FRMD6: variants seen among roughly 807,000 people sequenced by gnomAD.
The protein encoded by FRMD6 is FERM domain containing 6.
In FRMD6, 37 loss-of-function variants were observed where a neutral mutation model predicts 73.2. The observed-to-expected ratio is 0.51, with a 90% CI of 0.39 to 0.66. The LOEUF is 0.66. Ranked by LOEUF, FRMD6 falls within the 30% of genes least tolerant of loss-of-function variation. The pLI is 0.00. For synonymous variants in FRMD6, 273 were observed against 282.2 expected, an observed-to-expected ratio of 0.97 and a Z score of 0.33; for missense variants, 714 against 780.5, an observed-to-expected ratio of 0.91 and a Z score of 1.02.
chr14:51,476,424 C>G, the FRMD6 span, among the ~76,000 whole-genome samples: 27 of 152,184 alleles, frequency 1.8e-4, no homozygotes, highest in African/African-American at 6.5e-4. Flanking sequence ...CCTGAACAAG[C>G]TAAATCTCTG....
intron 1 of FRMD6, among the ~76,000 whole-genome samples, chr14:51,504,221 A>G (rs953422754): frequency 3.9e-5 from 6 of 152,212 alleles, no homozygotes; most frequent in Non-Finnish European, 5.9e-5. Flanking sequence ...TCCAGACCCT[A>G]GTTGCCTTGG....
the FRMD6 span, among the ~76,000 whole-genome samples, chr14:51,411,574 G>T: frequency 6.6e-6 from 1 of 152,122 alleles, no homozygotes; most frequent in Non-Finnish European, 1.5e-5. Flanking sequence ...TGTTATATTC[G>T]ATTTCCCTAA....
chr14:51,544,794 A>G (rs144019138), intron 1 of FRMD6, among the ~76,000 whole-genome samples: 108 of 152,234 alleles, frequency 7.1e-4, no homozygotes, highest in African/African-American at 2.3e-3. Flanking sequence ...TCAAGCCTGC[A>G]TAAGGATGAA....
chr14:51,730,535 C>T lies in FRMD6; in HGVS notation c.*2506C>T, dbSNP rs1015538889. 1 of 152,572 alleles carries T rather than the reference C, an allele frequency of 6.6e-6. No individual in the cohort carries two copies. 9.5% of individuals were successfully genotyped at this position (152,572 alleles called of 1,614,324 possible). A position where few individuals can be genotyped will look rare whatever the true frequency, so the allele number is the denominator to read the frequency against. On this transcript the variant is annotated 3_prime_UTR_variant, in exon 14 of 14. Transcript: ENST00000344768. The stretch of plus-strand genomic sequence containing the variant: ...CGTTTTGGTATATATTGCCTCTGCA[C>T]ATCTACATTTGTATATGCAACAGTG...
chr14:51,418,194 T>C, the FRMD6 span, among the ~76,000 whole-genome samples: 1 of 152,232 alleles, frequency 6.6e-6, no homozygotes, highest in Non-Finnish European at 1.5e-5. Context: ...TTTGTTCCAT[T>C]GCTGGTGAGG....
At chr14:51,597,718 G>A (rs146345400) in intron 2 of FRMD6, among the ~76,000 whole-genome samples, 12 of 152,316 alleles carry the variant, frequency 7.9e-5, no homozygotes, top group African/African-American at 2.6e-4. Flanking sequence ...TGCATAGTAA[G>A]TGTTCTATAA....
At chr14:51,691,036 C>A (rs1594740891) in intron 2 of FRMD6, among the ~76,000 whole-genome samples, 1 of 152,086 alleles carries the variant, frequency 6.6e-6, no homozygotes, top group East Asian at 1.9e-4. Context: ...ATATCCTTCA[C>A]CTAAAGGGTA....
intron 2 of FRMD6, chr14:51,638,070 G>A (rs768292585): frequency 1.2e-4 from 19 of 152,252 alleles, no homozygotes; most frequent in Non-Finnish European, 2.3e-4. Context: ...TTCAGCCCAG[G>A]AGTTTGAGAC....
chr14:51,573,540 G>A (rs1057471921), intron 2 of FRMD6, among the ~76,000 whole-genome samples: 3 of 152,140 alleles, frequency 2.0e-5, no homozygotes, highest in Non-Finnish European at 4.4e-5. Flanking sequence ...ATATTGTGAG[G>A]AGCCAGATCC....
At chr14:51,537,798 T>C (rs2140358123) in intron 1 of FRMD6, among the ~76,000 whole-genome samples, 1 of 152,380 alleles carries the variant, frequency 6.6e-6, no homozygotes, top group African/African-American at 2.4e-5. Flanking sequence ...GTCATCTATC[T>C]GTACATCTTC....
At chr14:51,523,488 A>T (rs1408289931) in intron 1 of FRMD6, among the ~76,000 whole-genome samples, 1 of 152,128 alleles carries the variant, frequency 6.6e-6, no homozygotes, top group African/African-American at 2.4e-5. Context: ...AGGATTATGA[A>T]CTCAGCTATG....
chr14:51,488,484 A>G (rs1388587682), upstream of FRMD6, among the ~76,000 whole-genome samples: 1 of 152,238 alleles, frequency 6.6e-6, no homozygotes, highest in Admixed American at 6.5e-5. Context: ...CAGCAGAGCA[A>G]GACTTAACAA....
chr14:51,527,789 A>G (rs1045444799), intron 1 of FRMD6, among the ~76,000 whole-genome samples: 5 of 152,218 alleles, frequency 3.3e-5, no homozygotes, highest in African/African-American at 9.6e-5. Flanking sequence ...TATGAGAGAC[A>G]GATGGTGAGG....
At chr14:51,533,805 A>G (rs1000471053) in intron 1 of FRMD6, among the ~76,000 whole-genome samples, 2 of 152,150 alleles carry the variant, frequency 1.3e-5, no homozygotes, top group African/African-American at 4.8e-5. Context: ...CCACTTTCAG[A>G]GAGCGTCTCT....
chr14:51,506,980 G>A (rs1884000187), intron 1 of FRMD6, among the ~76,000 whole-genome samples: 1 of 152,044 alleles, frequency 6.6e-6, no homozygotes, highest in African/African-American at 2.4e-5. Context: ...ACAATCATGA[G>A]GAATGTGTAT....
At chr14:51,449,563 C>G in the FRMD6 span, among the ~76,000 whole-genome samples, 2 of 152,324 alleles carry the variant, frequency 1.3e-5, no homozygotes, top group Non-Finnish European at 2.9e-5. Context: ...TGGAGTCCCT[C>G]TTTGGCAATT....
intron 1 of FRMD6, among the ~76,000 whole-genome samples, chr14:51,561,523 C>G (rs981727604): frequency 6.6e-6 from 1 of 152,156 alleles, no homozygotes; most frequent in Non-Finnish European, 1.5e-5. Flanking sequence ...CTGTGAATCA[C>G]GCATTTAAGT....
chr14:51,647,186 G>C (rs1332420455), upstream of FRMD6, among the ~76,000 whole-genome samples: 1 of 151,860 alleles, frequency 6.6e-6, no homozygotes, highest in African/African-American at 2.4e-5. Flanking sequence ...TTGATGATCA[G>C]GAGAATAGAA....
At chr14:51,574,975 T>C (rs1888326545) in intron 2 of FRMD6, among the ~76,000 whole-genome samples, 1 of 152,148 alleles carries the variant, frequency 6.6e-6, no homozygotes, top group Non-Finnish European at 1.5e-5. Context: ...CCATAAAAAT[T>C]AAAAATAAAA....
Sources: gnomAD v4.1 joint callset for allele counts (sites outside exome capture counted in the v4.1 genomes callset) on GRCh38, gnomAD v4.1.1 for gene constraint, MANE v1.5 for transcripts, NCBI Gene and HGNC (gene_info 2026-07-23, HGNC 2026-07-21) for gene names.